Variants in RGS10 observed in about 807,000 individuals in gnomAD.
RGS10 encodes the protein regulator of G-protein signalling 10.
Under a neutral mutation model 23.5 loss-of-function variants are expected in RGS10, and 11 were observed. The observed-to-expected ratio is 0.47, with a 90% CI of 0.29 to 0.77. The LOEUF (loss-of-function observed/expected upper bound fraction) is 0.77, where lower values mean the gene tolerates loss of function less well. RGS10 is among the 30% of genes least tolerant of loss of function. The pLI, the probability that RGS10 is intolerant of heterozygous loss-of-function variation, is 0.08. For synonymous variants in RGS10, 77 were observed against 83.2 expected (o/e 0.92, Z 0.41); for missense variants, 180 against 226.3 (o/e 0.80, Z 1.31).
intron 4 of RGS10, among the ~76,000 whole-genome samples, chr10:119,502,229 C>G (rs539030886): frequency 6.6e-6 from 1 of 152,240 alleles, no homozygotes; most frequent in East Asian, 1.9e-4. Context: ...CCTTCATGGC[C>G]TCCCACCGAC....
chr10:119,535,853 T>C (rs2133961064), intron 1 of RGS10, among the ~76,000 whole-genome samples: 1 of 152,348 alleles, frequency 6.6e-6, no homozygotes, highest in Non-Finnish European at 1.5e-5. Flanking sequence ...ACACACACTG[T>C]ACTCCTTTAA....
intron 4 of RGS10, among the ~76,000 whole-genome samples, chr10:119,511,919 T>C (rs1300476782): frequency 6.6e-6 from 1 of 152,166 alleles, no homozygotes; most frequent in Admixed American, 6.5e-5. Flanking sequence ...AAATCTGCTA[T>C]GAATGGAAAA....
chr10:119,521,625 AGAAAGGAAGGAAGGAAGGAAGGAAGGAAG>A (rs1400900866), intron 3 of RGS10, among the ~76,000 whole-genome samples: 1 of 33,468 alleles, frequency 3.0e-5, no homozygotes, highest in African/African-American at 7.9e-5. Context: ...AAGGAAGGAA[AGAAAGGAAGGAAGGAAGGAAGGAAGGAAG>A]GAAAGGAGGA....
At chr10:119,532,258 C>T (rs534798186) in intron 1 of RGS10, among the ~76,000 whole-genome samples, 8 of 152,268 alleles carry the variant, frequency 5.3e-5, no homozygotes, top group African/African-American at 1.9e-4. Flanking sequence ...ACAGCATTTG[C>T]AAACTCCACT....
At position 119,500,043 on chromosome 10, in the gene RGS10, T is replaced by A. The variant is rs1843933359; in HGVS notation, c.*70A>T. On this transcript the variant is annotated 3_prime_UTR_variant, in exon 5 of 5. Coordinates refer to ENST00000369103, the MANE Select transcript of RGS10 (RefSeq NM_001005339.2). ...GTCCTTACAAATAACAAAGCAATGA[T>A]AAACCCGGCACGGTCCTGAGAGGAA... The A allele has an allele frequency of 6.6e-7, 1 of 1,514,584 alleles. No individual in the cohort carries two copies. The highest frequency in any genetic ancestry group is 1.7e-4 in the Middle Eastern group (1 of 5,734). The allele number at this position is 1,514,584 out of a possible 1,614,324, so 93.8% of individuals were successfully genotyped here. A position where few individuals can be genotyped will look rare whatever the true frequency, so the allele number is the denominator to read the frequency against.
intron 4 of RGS10, among the ~76,000 whole-genome samples, chr10:119,505,944 C>A (rs765261639): frequency 6.6e-6 from 1 of 152,154 alleles, no homozygotes; most frequent in Non-Finnish European, 1.5e-5. Context: ...GTTTAATTAG[C>A]GGGATATCAT....
chr10:119,533,086 A>G (rs2133959582), intron 1 of RGS10, among the ~76,000 whole-genome samples: 1 of 149,766 alleles, frequency 6.7e-6, no homozygotes, highest in Admixed American at 6.7e-5. Flanking sequence ...GGCCGGGCAC[A>G]GTGGCTCACG....
At chr10:119,537,604 A>G (rs1285243400) in intron 1 of RGS10, among the ~76,000 whole-genome samples, 2 of 152,186 alleles carry the variant, frequency 1.3e-5, no homozygotes, top group Non-Finnish European at 2.9e-5. Context: ...AGAGAAAAAC[A>G]CAGAGAAAGA....
At chr10:119,519,322 CT>C (rs1844182714) in intron 3 of RGS10, among the ~76,000 whole-genome samples, 1 of 151,282 alleles carries the variant, frequency 6.6e-6, no homozygotes, top group African/African-American at 2.4e-5. Flanking sequence ...CAGCTCCTGT[CT>C]CCCTGTCTGT....
chr10:119,518,026 C>G (rs1344219476), intron 3 of RGS10, among the ~76,000 whole-genome samples: 1 of 152,332 alleles, frequency 6.6e-6, no homozygotes, highest in Non-Finnish European at 1.5e-5. Context: ...GACCACAAGC[C>G]AGTCACGGGA....
chr10:119,529,459 G>GAAACA (rs972562376), intron 1 of RGS10, among the ~76,000 whole-genome samples: 6 of 151,932 alleles, frequency 3.9e-5, no homozygotes, highest in South Asian at 2.1e-4. Context: ...TGACTCAAAC[G>GAAACA]AAACAAAACA....
intron 4 of RGS10, among the ~76,000 whole-genome samples, chr10:119,512,846 C>T (rs951932988): frequency 6.6e-6 from 1 of 152,232 alleles, no homozygotes; most frequent in Admixed American, 6.5e-5. Context: ...CTGAGCCCAG[C>T]CTTCCAATAA....
chr10:119,536,931 A>T (rs1328842024), intron 1 of RGS10, among the ~76,000 whole-genome samples: 1 of 152,188 alleles, frequency 6.6e-6, no homozygotes, highest in Non-Finnish European at 1.5e-5. Context: ...AGGGTCAGTC[A>T]GGTGGATGGT....
chr10:119,512,156 G>A (rs1239782697), intron 4 of RGS10, among the ~76,000 whole-genome samples: 1 of 152,148 alleles, frequency 6.6e-6, no homozygotes, highest in Non-Finnish European at 1.5e-5. Context: ...AAGTTCGGGG[G>A]CGGCGGTGCT....
At chr10:119,509,584 C>T (rs1265452835) in intron 4 of RGS10, among the ~76,000 whole-genome samples, 1 of 152,104 alleles carries the variant, frequency 6.6e-6, no homozygotes, top group Admixed American at 6.5e-5. Flanking sequence ...GAGTGAGACC[C>T]TGCCTCAAAA....
chr10:119,533,342 G>T (rs983346250), intron 1 of RGS10, among the ~76,000 whole-genome samples: 13 of 149,372 alleles, frequency 8.7e-5, no homozygotes, highest in Admixed American at 8.0e-4. Flanking sequence ...AGGGAAAAAA[G>T]TTTAAAAAAA....
chr10:119,541,404 A>G (rs1353923130), intron 1 of RGS10, among the ~76,000 whole-genome samples: 2 of 152,178 alleles, frequency 1.3e-5, no homozygotes, highest in Non-Finnish European at 2.9e-5. Flanking sequence ...TAAATACAAT[A>G]ATTTGCAAAA....
chr10:119,517,301 A>C lies in RGS10; in HGVS notation c.256-1649T>G, dbSNP rs961020528. On this transcript the variant is annotated intron_variant, in intron 3 of 4. Transcript: ENST00000369103. This position sits in a 1 kb window ranked among gnomAD's most constrained non-coding sequence, Gnocchi z 5.0. ...CGGCCCAGGTTGGGTGAACACCGAA[A>C]GCCATGCTGTCCACCCTGTCTTCAC... Among the ~76,000 whole-genome samples, 2 of 142,792 alleles carry C rather than the reference A, an allele frequency of 1.4e-5. No homozygotes were observed. The highest frequency in any genetic ancestry group is 3.2e-5 in the Non-Finnish European group (2 of 61,602). The allele number at this position is 142,792 out of a possible 152,430, so 93.7% of individuals were successfully genotyped here. A position where few individuals can be genotyped will look rare whatever the true frequency, so the allele number is the denominator to read the frequency against.
chr10:119,527,308 TA>T lies in RGS10; in HGVS notation c.165del (p.Phe55LeufsTer5). On this transcript the variant is annotated frameshift_variant, in exon 2 of 5. Transcript: ENST00000369103. LOFTEE classifies it high-confidence loss of function. This position sits in a 1 kb window ranked among gnomAD's most constrained non-coding sequence, Gnocchi z 4.2. ...LLEDPEGVKR[F>X]REFLKKEFSE... is the part of the protein sequence containing the mutation. ...GATTAACAATGAAAAAGACAAACCC[TA>T]AATCTTTTCACGCCTTCTGGGTCTT... The T allele has an allele frequency of 6.2e-7, 1 of 1,611,528 alleles. No individual in the cohort carries two copies. The highest frequency in any genetic ancestry group is 8.5e-7 in the Non-Finnish European group (1 of 1,177,694).
Sources: gnomAD v4.1 joint callset for allele counts (sites outside exome capture counted in the v4.1 genomes callset) on GRCh38, gnomAD v4.1.1 for gene constraint, Gnocchi (gnomAD v3.1) non-coding constraint, MANE v1.5 for transcripts, NCBI Gene and HGNC (gene_info 2026-07-23, HGNC 2026-07-21) for gene names.